CLSTN2: variants seen among roughly 807,000 people sequenced by gnomAD.
The protein encoded by CLSTN2 is calsyntenin 2, also known as calsyntenin-2.
Under a neutral mutation model 101.2 loss-of-function variants are expected in CLSTN2, and 48 were observed. The observed-to-expected ratio is 0.47, with a 90% confidence interval of 0.38 to 0.60. The LOEUF is 0.60. CLSTN2 is among the 20% of genes least tolerant of loss of function. The probability of loss-of-function intolerance (pLI) is 0.00; values close to 1 mark genes in which losing one functional copy is unlikely to be tolerated. For synonymous variants in CLSTN2, 481 were observed against 463.6 expected (o/e 1.04, Z -0.48); for missense variants, 1,160 against 1,238.2 (o/e 0.94, Z 0.95).
chr3:140,027,208 C>A (rs2007439821), intron 1 of CLSTN2, among the ~76,000 whole-genome samples: 1 of 152,194 alleles, frequency 6.6e-6, no homozygotes, highest in Non-Finnish European at 1.5e-5. Context: ...TGGATTGAGT[C>A]TTCCTCAAAT....
intron 1 of CLSTN2, among the ~76,000 whole-genome samples, chr3:140,034,870 C>T (rs1484203508): frequency 6.6e-6 from 1 of 152,200 alleles, no homozygotes; most frequent in Non-Finnish European, 1.5e-5. Flanking sequence ...AAGCATACTA[C>T]TTATGCAAAC....
chr3:140,570,584 A>G lies in CLSTN2; in HGVS notation c.*4331A>G, dbSNP rs1040758894. The G allele has an allele frequency of 6.6e-6, 1 of 152,244 alleles. No homozygotes were observed. Among genetic ancestry groups the G allele is most frequent in the Non-Finnish European group, 1.5e-5 (1 of 68,034 alleles). 9.4% of individuals were successfully genotyped at this position (152,244 alleles called of 1,614,324 possible). ...CTATTGTAGCATGAAAACAGACAAT[A>G]CGTACAACAAATGAATGTTTCAATA... On this transcript the variant is annotated 3_prime_UTR_variant, in exon 17 of 17. Transcript: ENST00000458420.
intron 1 of CLSTN2, among the ~76,000 whole-genome samples, chr3:140,038,317 T>A (rs1029468598): frequency 6.6e-6 from 1 of 152,174 alleles, no homozygotes; most frequent in African/African-American, 2.4e-5. Flanking sequence ...AGCTTTTTTT[T>A]ATATGTTTCT....
At chr3:140,041,754 T>G (rs887700425) in intron 1 of CLSTN2, among the ~76,000 whole-genome samples, 3 of 152,224 alleles carry the variant, frequency 2.0e-5, no homozygotes, top group Middle Eastern at 3.4e-3. Flanking sequence ...GGACCATGAG[T>G]GTCGTTGCTT....
intron 10 of CLSTN2, among the ~76,000 whole-genome samples, chr3:140,552,258 A>G (rs1935716738): frequency 6.6e-6 from 1 of 152,168 alleles, no homozygotes; most frequent in Admixed American, 6.5e-5. Context: ...GTCACAGCAC[A>G]GATACCCAAG....
In CLSTN2 at chr3:140,490,117, TACACACACACACACACAC is replaced by T. The variant is rs71637079; in HGVS notation, c.1344+23414_1344+23431del. On this transcript the variant is annotated intron_variant, in intron 8 of 16. Transcript: ENST00000458420. ...ATATATATATATATATATATATATA[TACACACACACACACACAC>T]ACACACACACACACACACACACACA... Among the ~76,000 whole-genome samples, 12 of 1,956 alleles carry T rather than the reference TACACACACACACACACAC, an allele frequency of 6.1e-3. 4 individuals carry two copies. The highest frequency in any genetic ancestry group is 0.5 in the Middle Eastern group (1 of 2). The allele number at this position is 1,956 out of a possible 152,430, so 1.3% of individuals were successfully genotyped here. A position where few individuals can be genotyped will look rare whatever the true frequency, so the allele number is the denominator to read the frequency against.
chr3:140,533,905 A>ATAAAT lies in CLSTN2; in HGVS notation c.1507+1420_1507+1424dup, dbSNP rs1392832214. Among the ~76,000 whole-genome samples, 8 of 152,272 alleles carry ATAAAT rather than the reference A, an allele frequency of 5.3e-5. No homozygotes were observed. The South Asian group carries it at 1.7e-3, about 32-fold the overall frequency. ...TCAAAACCCAGGAAGGAGATAAGGT[A>ATAAAT]TAAATGAGGCAAGAGAAAGTGTTCT... On this transcript the variant is annotated intron_variant, in intron 9 of 16. Coordinates refer to ENST00000458420, the MANE Select transcript of CLSTN2 (RefSeq NM_022131.3).
rs562731045 is a variant in CLSTN2, at chr3:140,301,431, T to C, written c.233-102198T>C. 2.0e-5 allele frequency among the ~76,000 whole-genome samples: 3 copies of C among 152,318 alleles called. No homozygotes were observed. The South Asian group carries it at 6.2e-4, about 32-fold the overall frequency. ...TGGCCTTACTTTACTTGATTGCAAA[T>C]CTCTTTAATGTCTACCTTCACAGAA... On this transcript the variant is annotated intron_variant, in intron 2 of 16. Coordinates refer to ENST00000458420, the MANE Select transcript of CLSTN2 (RefSeq NM_022131.3).
intron 1 of CLSTN2, among the ~76,000 whole-genome samples, chr3:140,123,823 C>G (rs891743845): frequency 7.6e-6 from 1 of 131,264 alleles, no homozygotes. Context: ...TATATATACA[C>G]ATATATATGT....
At chr3:140,457,375 T>C (rs1378763058) in intron 6 of CLSTN2, among the ~76,000 whole-genome samples, 1 of 152,226 alleles carries the variant, frequency 6.6e-6, no homozygotes, top group Non-Finnish European at 1.5e-5. Context: ...AGACCCAACT[T>C]AATAGGTCAA....
chr3:140,019,102 G>A lies in CLSTN2; in HGVS notation c.109+83619G>A, dbSNP rs573460275. On this transcript the variant is annotated intron_variant, in intron 1 of 16. Transcript: ENST00000458420. ...AGGAGTCTGCACTGGTCATGCAGGAGGGAGATAAACCCTCCTTGCTCCCCA... is the reference window on the plus strand; with the variant it reads ...AGGAGTCTGCACTGGTCATGCAGGAAGGAGATAAACCCTCCTTGCTCCCCA... Among the ~76,000 whole-genome samples the A allele has an allele frequency of 3.0e-4, 46 of 152,190 alleles. No individual in the cohort carries two copies. In the South Asian group the frequency reaches 8.9e-3, roughly 29 times the overall value.
At chr3:140,523,568 T>G (rs1935078904) in intron 8 of CLSTN2, among the ~76,000 whole-genome samples, 1 of 152,240 alleles carries the variant, frequency 6.6e-6, no homozygotes, top group African/African-American at 2.4e-5. Flanking sequence ...AAATATGTGC[T>G]AAACATTGTA....
intron 2 of CLSTN2, among the ~76,000 whole-genome samples, chr3:140,178,949 T>C (rs2010365521): frequency 1.3e-5 from 2 of 152,170 alleles, no homozygotes; most frequent in Admixed American, 6.5e-5. Flanking sequence ...ATTTCATCCA[T>C]ACCATTTGTG....
At chr3:140,491,393 T>C (rs550658427) in intron 8 of CLSTN2, among the ~76,000 whole-genome samples, 3 of 152,342 alleles carry the variant, frequency 2.0e-5, no homozygotes, top group African/African-American at 4.8e-5. Context: ...ATACCAGCAA[T>C]GACATTAGAG....
intron 2 of CLSTN2, among the ~76,000 whole-genome samples, chr3:140,221,017 T>C (rs2086267118): frequency 6.6e-6 from 1 of 152,226 alleles, no homozygotes; most frequent in Admixed American, 6.5e-5. Context: ...TGGAGACTCA[T>C]AGACAAGGTC....
Position 140,004,876 on chromosome 3 carries a change from C to T in CLSTN2, c.109+69393C>T, listed in dbSNP as rs114291662. Among the ~76,000 whole-genome samples, 211 of 152,296 alleles carry T rather than the reference C, an allele frequency of 1.4e-3. 1 individual carries two copies. The highest frequency in any genetic ancestry group is 4.8e-3 in the African/African-American group (199 of 41,532). On this transcript the variant is annotated intron_variant, in intron 1 of 16. Coordinates refer to ENST00000458420, the MANE Select transcript of CLSTN2 (RefSeq NM_022131.3). Reference sequence around the variant, plus strand: ...ATAAAAATTGCAGATGAGTTTCTCTCTATCCTGTAGCTGATACTGTTGTGC... The same window carrying T: ...ATAAAAATTGCAGATGAGTTTCTCTTTATCCTGTAGCTGATACTGTTGTGC...
chr3:140,316,182 G>T (rs1371822273), intron 2 of CLSTN2, among the ~76,000 whole-genome samples: 3 of 152,126 alleles, frequency 2.0e-5, no homozygotes, highest in Non-Finnish European at 4.4e-5. Flanking sequence ...ATTAGCATAT[G>T]ATTACCATTC....
intron 1 of CLSTN2, among the ~76,000 whole-genome samples, chr3:140,148,625 C>A (rs1428041391): frequency 6.6e-6 from 1 of 152,152 alleles, no homozygotes; most frequent in Non-Finnish European, 1.5e-5. Context: ...CTAAAAGAAA[C>A]CTATTTAGGC....
intron 1 of CLSTN2, among the ~76,000 whole-genome samples, chr3:140,061,399 C>T (rs1173296753): frequency 6.6e-6 from 1 of 152,210 alleles, no homozygotes; most frequent in African/African-American, 2.4e-5. Flanking sequence ...TTTGCCCACC[C>T]CTTTCCTACA....
Sources: gnomAD v4.1 joint callset for allele counts (sites outside exome capture counted in the v4.1 genomes callset) on GRCh38, gnomAD v4.1.1 for gene constraint, MANE v1.5 for transcripts, NCBI Gene and HGNC (gene_info 2026-07-23, HGNC 2026-07-21) for gene names.